Variants in ANKRD50 observed in about 807,000 individuals in gnomAD.
ANKRD50 encodes ankyrin repeat domain 50.
Under a neutral mutation model 112.0 loss-of-function variants are expected in ANKRD50, and 40 were observed. The observed-to-expected ratio is 0.36, with a 90% confidence interval of 0.28 to 0.46. The LOEUF (loss-of-function observed/expected upper bound fraction) is 0.46, where lower values mean the gene tolerates loss of function less well. ANKRD50 is among the 20% of genes least tolerant of loss of function. The pLI is 1.00. For missense variants in ANKRD50, 1,487 were observed against 1,701.7 expected, an observed-to-expected ratio of 0.87 and a Z score of 2.22; for synonymous variants, 613 against 619.1, an observed-to-expected ratio of 0.99 and a Z score of 0.15.
At position 124,672,144 on chromosome 4, in the gene ANKRD50, A is replaced by G; in HGVS notation, c.1133T>C (p.Met378Thr). 3.7e-6 allele frequency: 6 copies of G among 1,613,900 alleles called. No individual in the cohort carries two copies. The highest frequency in any genetic ancestry group is 4.2e-6 in the Non-Finnish European group (5 of 1,179,860). ...TTGAAAATCTTCCAAAGTTAACGACATGTTTTTGGTCCATACTGCGTGATA... is the reference window on the plus strand; with the variant it reads ...TTGAAAATCTTCCAAAGTTAACGACGTGTTTTTGGTCCATACTGCGTGATA... ...ELYHAVWTKN[M>T]SLTLEDFQRK... Residue 378 changes from methionine (M) to threonine (T), a missense_variant, in exon 4 of 5, where the codon ATG becomes ACG. Physicochemically the swap from Met to Thr is moderately conservative, Grantham distance 81. This residue lies in a region of ANKRD50 where 1,046 missense variants were observed against 1,269.5 expected (regional missense o/e 0.82). Coordinates refer to ENST00000504087, the MANE Select transcript of ANKRD50 (RefSeq NM_020337.3).
chr4:124,680,191 A>G (rs1037083509), intron 2 of ANKRD50, among the ~76,000 whole-genome samples: 1 of 152,102 alleles, frequency 6.6e-6, no homozygotes, highest in Non-Finnish European at 1.5e-5. Flanking sequence ...GTCTTTTTAA[A>G]ATTTTTCTTT....
intron 2 of ANKRD50, among the ~76,000 whole-genome samples, chr4:124,679,291 CTG>C (rs1724818146): frequency 6.6e-6 from 1 of 152,086 alleles, no homozygotes; most frequent in African/African-American, 2.4e-5. Flanking sequence ...AAAACAAACT[CTG>C]GGGATCACCT....
chr4:124,681,214 G>A (rs1724877951), intron 2 of ANKRD50, among the ~76,000 whole-genome samples: 1 of 152,066 alleles, frequency 6.6e-6, no homozygotes, highest in Admixed American at 6.6e-5. Context: ...TTAATTCAGT[G>A]CTCTATATGC....
intron 2 of ANKRD50, among the ~76,000 whole-genome samples, chr4:124,704,876 C>G (rs540882849): frequency 2.0e-5 from 3 of 152,238 alleles, no homozygotes; most frequent in African/African-American, 7.2e-5. Context: ...GGGTGGATCA[C>G]GAGGTCAGGA....
intron 2 of ANKRD50, among the ~76,000 whole-genome samples, chr4:124,697,996 A>G (rs1386646416): frequency 6.6e-6 from 1 of 152,246 alleles, no homozygotes. Context: ...GAAACAAACA[A>G]TAGTAAATAT....
chr4:124,669,363 T>C lies in ANKRD50; in HGVS notation c.3914A>G (p.Asp1305Gly), dbSNP rs569034621. 1.3e-4 allele frequency: 217 copies of C among 1,613,664 alleles called. 2 individuals are homozygous for C. In the South Asian group the frequency reaches 2.3e-3, roughly 17 times the overall value. ...KVLEYEMTQF[D>G]RRGPIAKSGT... ...GGATTTGGCTATAGGTCCTCTTCTA[T>C]CAAACTGAGTCATTTCATATTCTAA... Residue 1305 changes from aspartate (D) to glycine (G), a missense_variant, in exon 4 of 5, where the codon GAT becomes GGT. Physicochemically the swap from Asp to Gly is moderately conservative, Grantham distance 94. Coordinates refer to ENST00000504087, the MANE Select transcript of ANKRD50 (RefSeq NM_020337.3).
intron 2 of ANKRD50, among the ~76,000 whole-genome samples, chr4:124,694,945 G>T (rs746933718): frequency 6.6e-6 from 1 of 151,958 alleles, no homozygotes; most frequent in Non-Finnish European, 1.5e-5. Flanking sequence ...CAAAATCAAT[G>T]ATCAGAATAT....
chr4:124,670,038 G>A lies in ANKRD50; in HGVS notation c.3239C>T (p.Thr1080Ile), dbSNP rs1256886691. 6.2e-7 allele frequency: 1 copy of A among 1,611,510 alleles called. No individual in the cohort carries two copies. Among genetic ancestry groups the A allele is most frequent in the South Asian group, 1.1e-5 (1 of 90,504 alleles). ...DPNHADQFGR[T>I]AMRVAAKNGH... is the part of the protein sequence containing the mutation. The stretch of plus-strand genomic sequence containing the variant: ...ATTTTTGGCTGCAACACGCATAGCA[G>A]TGCGTCCAAATTGATCAGCATGGTT... The change falls in exon 4 of 5, where the codon ACT (threonine) becomes ATT (isoleucine). Residue 1080 changes from threonine to isoleucine, a missense_variant. Transcript: ENST00000504087.
In ANKRD50 at chr4:124,667,335, G is replaced by A. The variant is rs1273258693; in HGVS notation, c.*183C>T. 1 of 151,962 alleles carries A rather than the reference G, an allele frequency of 6.6e-6. No individual in the cohort carries two copies. Among genetic ancestry groups the A allele is most frequent in the East Asian group, 1.9e-4 (1 of 5,174 alleles). 9.4% of individuals were successfully genotyped at this position (151,962 alleles called of 1,614,324 possible). On this transcript the variant is annotated 3_prime_UTR_variant, in exon 5 of 5. Coordinates refer to ENST00000504087, the MANE Select transcript of ANKRD50 (RefSeq NM_020337.3). ...CAAAATGAAATTTTTTAAGCACAGA[G>A]GGTTACATTGAGAAGGCAGCCTTAC...
rs948294057 is a variant in ANKRD50, at chr4:124,667,111, T to A, written c.*407A>T. On this transcript the variant is annotated 3_prime_UTR_variant, in exon 5 of 5. Transcript: ENST00000504087. The stretch of plus-strand genomic sequence containing the variant: ...GTGACTGAAACAGTATGTTTAAGTT[T>A]CTTTTGCCACAAAAAGAAAAAAAAA... 6 of 151,982 alleles carry A rather than the reference T, an allele frequency of 3.9e-5. No homozygotes were observed. Among genetic ancestry groups the A allele is most frequent in the Non-Finnish European group, 7.4e-5 (5 of 67,926 alleles). The allele number at this position is 151,982 out of a possible 1,614,324, so 9.4% of individuals were successfully genotyped here.
At position 124,666,368 on chromosome 4, in the gene ANKRD50, G is replaced by A. The variant is rs1399536183; in HGVS notation, c.*1150C>T. Reference sequence around the variant, plus strand: ...AAAAGTGCAAATCCATCACTATTAAGTAACAATAAAAAGTACACATGTGCT... The same window carrying A: ...AAAAGTGCAAATCCATCACTATTAAATAACAATAAAAAGTACACATGTGCT... On this transcript the variant is annotated 3_prime_UTR_variant, in exon 5 of 5. Transcript: ENST00000504087. The A allele has an allele frequency of 2.0e-5, 3 of 152,414 alleles. No individual in the cohort carries two copies. Among genetic ancestry groups the A allele is most frequent in the Non-Finnish European group, 4.4e-5 (3 of 67,930 alleles). 9.4% of individuals were successfully genotyped at this position (152,414 alleles called of 1,614,324 possible). A position where few individuals can be genotyped will look rare whatever the true frequency, so the allele number is the denominator to read the frequency against.
intron 2 of ANKRD50, among the ~76,000 whole-genome samples, chr4:124,704,812 C>T (rs778586925): frequency 1.4e-4 from 22 of 152,134 alleles, no homozygotes; most frequent in Non-Finnish European, 3.1e-4. Context: ...AACTACAACA[C>T]GGCTGGGCGC....
rs1234550592 is a variant in ANKRD50, at chr4:124,669,259, C to T, written c.4018G>A (p.Gly1340Ser). 6.2e-7 allele frequency: 1 copy of T among 1,613,742 alleles called. No homozygotes were observed. Among genetic ancestry groups the T allele is most frequent in the East Asian group, 2.2e-5 (1 of 44,854 alleles). Reference sequence around the variant, plus strand: ...ATAAGAAACTGCTGTTGAGATCGACCAATTTCCTGCTGAGCTGAAGGTATC... The same window carrying T: ...ATAAGAAACTGCTGTTGAGATCGACTAATTTCCTGCTGAGCTGAAGGTATC... ...IMIPSAQQEIGRSQQQFLIHQ... is the reference protein window; with the variant it reads ...IMIPSAQQEISRSQQQFLIHQ... Residue 1340 changes from glycine to serine, a missense_variant, in exon 4 of 5, where the codon GGT becomes AGT. Around this residue, in one of 2 missense-constraint regions of ANKRD50, gnomAD observed 441 missense variants for 432.2 expected, o/e 1.02. Coordinates refer to ENST00000504087, the MANE Select transcript of ANKRD50 (RefSeq NM_020337.3).
At chr4:124,687,524 G>T (rs1403399523) in intron 2 of ANKRD50, among the ~76,000 whole-genome samples, 1 of 151,922 alleles carries the variant, frequency 6.6e-6, no homozygotes, top group Non-Finnish European at 1.5e-5. Context: ...AAAAAAAATT[G>T]AAAACTTGAC....
chr4:124,680,033 G>A (rs894693716), intron 2 of ANKRD50, among the ~76,000 whole-genome samples: 11 of 152,070 alleles, frequency 7.2e-5, no homozygotes, highest in East Asian at 1.9e-4. Flanking sequence ...TGCACTTCCC[G>A]TCTCTCTTCA....
In ANKRD50 at chr4:124,671,296, G is replaced by A; in HGVS notation, c.1981C>T (p.Leu661=). The A allele has an allele frequency of 6.2e-7, 1 of 1,613,762 alleles. No individual in the cohort carries two copies. ...AAWGGHEDIV[L]NLLQHGAEVN... The stretch of plus-strand genomic sequence containing the variant: ...TCAGCGCCATGTTGTAGCAAATTCA[G>A]TACAATATCCTCGTGTCCTCCCCAT... The change falls in exon 4 of 5, where the codon CTG becomes TTG. Residue 661 remains leucine (L), a synonymous_variant. Transcript: ENST00000504087.
In ANKRD50 at chr4:124,710,295, C is replaced by A; in HGVS notation, c.217G>T (p.Val73Leu). 1 of 1,614,190 alleles carries A rather than the reference C, an allele frequency of 6.2e-7. No homozygotes were observed. Among genetic ancestry groups the A allele is most frequent in the South Asian group, 1.1e-5 (1 of 91,084 alleles). Reference sequence around the variant, plus strand: ...CTGCCAGGCCCTCCTACCAACAACACACCCCAGGCAGCTCCCTTTCCAGAG... The same window carrying A: ...CTGCCAGGCCCTCCTACCAACAACAAACCCCAGGCAGCTCCCTTTCCAGAG... ...GVSGKGAAWG[V>L]LLVGGPGSGK... The change falls in exon 2 of 5, where the codon GTG becomes TTG. Residue 73 changes from valine to leucine, a missense_variant. Val to Leu is a conservative substitution (Grantham distance 32, BLOSUM62 1). This residue lies in a region of ANKRD50 where 1,046 missense variants were observed against 1,269.5 expected (regional missense o/e 0.82). Transcript: ENST00000504087.
intron 4 of ANKRD50, among the ~76,000 whole-genome samples, chr4:124,668,535 C>G (rs1194447050): frequency 1.3e-5 from 2 of 152,020 alleles, no homozygotes; most frequent in African/African-American, 4.8e-5. Context: ...GAGGACATAA[C>G]TGAATAGGAA....
At chr4:124,705,552 G>T (rs1241313384) in intron 2 of ANKRD50, among the ~76,000 whole-genome samples, 1 of 152,212 alleles carries the variant, frequency 6.6e-6, no homozygotes, top group African/African-American at 2.4e-5. Context: ...ACAAAAATTT[G>T]TATTTCCCAA....
Sources: allele counts gnomAD v4.1 joint callset (sites outside exome capture counted in the v4.1 genomes callset), GRCh38; gene constraint gnomAD v4.1.1; regional missense constraint gnomAD v4.1.1; transcripts MANE v1.5; gene names NCBI Gene and HGNC (gene_info 2026-07-23, HGNC 2026-07-21).